The following PLXNA4 variants were observed in gnomAD, a reference collection of about 807,000 sequenced individuals.
PLXNA4 encodes plexin A4.
Under a neutral mutation model 191.8 loss-of-function variants are expected in PLXNA4, and 44 were observed. The ratio of observed to expected loss-of-function variants is 0.23; its 90% CI spans 0.18 to 0.29. The LOEUF is 0.29. Among genes scored for constraint, PLXNA4 ranks in the 10% least tolerant of loss-of-function variants. The probability of loss-of-function intolerance (pLI) is 1.00; values close to 1 mark genes in which losing one functional copy is unlikely to be tolerated. For synonymous variants in PLXNA4, 1,082 were observed against 1,009.5 expected, an observed-to-expected ratio of 1.07 and a Z score of -1.36; for missense variants, 1,800 against 2,488.8, an observed-to-expected ratio of 0.72 and a Z score of 5.89.
chr7:132,177,532 T>G (rs756327090), intron 20 of PLXNA4, among the ~76,000 whole-genome samples: 4 of 152,208 alleles, frequency 2.6e-5, no homozygotes, highest in Non-Finnish European at 4.4e-5. Flanking sequence ...CCCTAAAGTC[T>G]GAAGCCAAGG....
chr7:132,311,089 G>A (rs973239515), intron 3 of PLXNA4, among the ~76,000 whole-genome samples: 3 of 151,878 alleles, frequency 2.0e-5, no homozygotes, highest in Non-Finnish European at 4.4e-5. Flanking sequence ...GGGGATTCCA[G>A]ATTTGCTCAG....
intron 20 of PLXNA4, among the ~76,000 whole-genome samples, 176 bp downstream of exon 20, chr7:132,179,511 A>G (rs1796630734): frequency 6.7e-6 from 1 of 149,768 alleles, no homozygotes; most frequent in South Asian, 2.1e-4. Flanking sequence ...ACACACACAC[A>G]TGCACACACA....
At chr7:132,530,844 A>C (rs571115509) in intron 1 of PLXNA4, among the ~76,000 whole-genome samples, 2 of 152,280 alleles carry the variant, frequency 1.3e-5, no homozygotes, top group Non-Finnish European at 2.9e-5. Context: ...GTCCATCAAC[A>C]GATGAACCAA....
At chr7:132,523,921 G>T (rs76350572) in intron 1 of PLXNA4, among the ~76,000 whole-genome samples, 1 of 152,156 alleles carries the variant, frequency 6.6e-6, no homozygotes, top group South Asian at 2.1e-4. Flanking sequence ...GATGTCAAAG[G>T]TGAGGTTGTC....
chr7:132,518,465 C>G (rs998183914), intron 1 of PLXNA4, among the ~76,000 whole-genome samples: 5 of 152,148 alleles, frequency 3.3e-5, no homozygotes, highest in Non-Finnish European at 5.9e-5. Context: ...GGTGTGCTTC[C>G]CTCTGCCTCT....
intron 2 of PLXNA4, among the ~76,000 whole-genome samples, chr7:132,590,732 C>T (rs1056967071): frequency 3.3e-5 from 5 of 152,150 alleles, no homozygotes; most frequent in African/African-American, 9.7e-5. Flanking sequence ...GTCCAACTGA[C>T]TCAAATGTTA....
chr7:132,390,756 C>A (rs1805373731), intron 3 of PLXNA4, among the ~76,000 whole-genome samples: 2 of 152,096 alleles, frequency 1.3e-5, no homozygotes, highest in African/African-American at 4.8e-5. Context: ...ACACACCCAG[C>A]CCCACCCTGC....
chr7:132,628,195 T>C (rs1470213698), intron 2 of PLXNA4, among the ~76,000 whole-genome samples: 1 of 152,222 alleles, frequency 6.6e-6, no homozygotes, highest in African/African-American at 2.4e-5. Flanking sequence ...TGAGGTACTT[T>C]GGTTGGATAT....
chr7:132,168,292 C>T lies in PLXNA4; in HGVS notation c.4286+12G>A, dbSNP rs778267580. ...CTAGGCTGGAGCAGGGTGCCCCAGA[C>T]TGCACCCTCACCTCCTGAGCAGCAG... On this transcript the variant is annotated intron_variant, in intron 22 of 31. Transcript: ENST00000321063. 1 of 1,527,464 alleles carries T rather than the reference C, an allele frequency of 6.5e-7. No homozygotes were observed. Among genetic ancestry groups the T allele is most frequent in the Non-Finnish European group, 8.8e-7 (1 of 1,133,688 alleles). The allele number at this position is 1,527,464 out of a possible 1,614,324, so 94.6% of individuals were successfully genotyped here. A position where few individuals can be genotyped will look rare whatever the true frequency, so the allele number is the denominator to read the frequency against.
chr7:132,264,022 CAGAAG>C (rs963157026), intron 4 of PLXNA4: 41 of 152,210 alleles, frequency 2.7e-4, no homozygotes, highest in African/African-American at 9.4e-4. Flanking sequence ...ATTAAGGCAC[CAGAAG>C]AGAAATCATT....
chr7:132,589,098 AC>A (rs1802559826), intron 2 of PLXNA4, among the ~76,000 whole-genome samples: 1 of 152,232 alleles, frequency 6.6e-6, no homozygotes, highest in Admixed American at 6.5e-5. Context: ...ATTGAAAAAA[AC>A]ATTTATGGAA....
At chr7:132,627,400 CATT>C (rs1373987221) in intron 2 of PLXNA4, among the ~76,000 whole-genome samples, 1 of 152,098 alleles carries the variant, frequency 6.6e-6, no homozygotes, top group Non-Finnish European at 1.5e-5. Context: ...TTCTATATAA[CATT>C]ATTCACAGCT....
chr7:132,234,927 A>C lies in PLXNA4; in HGVS notation c.1604+6139T>G, dbSNP rs567213393. 2.0e-5 allele frequency among the ~76,000 whole-genome samples: 3 copies of C among 152,318 alleles called. No homozygotes were observed. The East Asian group carries it at 5.8e-4, about 29-fold the overall frequency. On this transcript the variant is annotated intron_variant, in intron 5 of 31. Transcript: ENST00000321063. Reference sequence around the variant, plus strand: ...AGGAGAGATCAGTGACCAGCAGATTAGTGTTAAGTAGCCCTTGAATATAGG... The same window carrying C: ...AGGAGAGATCAGTGACCAGCAGATTCGTGTTAAGTAGCCCTTGAATATAGG...
At chr7:132,433,862 T>C (rs2117208672) in intron 3 of PLXNA4, among the ~76,000 whole-genome samples, 1 of 152,250 alleles carries the variant, frequency 6.6e-6, no homozygotes, top group East Asian at 1.9e-4. Context: ...TTCCATTCAG[T>C]TGAGTAGGCA....
At chr7:132,459,356 C>T (rs1289049430) in intron 3 of PLXNA4, among the ~76,000 whole-genome samples, 2 of 152,176 alleles carry the variant, frequency 1.3e-5, no homozygotes, top group Non-Finnish European at 2.9e-5. Context: ...ATCTCCCACC[C>T]CTTTTCTTAT....
intron 5 of PLXNA4, among the ~76,000 whole-genome samples, chr7:132,238,135 G>A (rs1200051927): frequency 1.3e-5 from 2 of 152,174 alleles, no homozygotes; most frequent in Non-Finnish European, 2.9e-5. Flanking sequence ...TAGCTGTGTT[G>A]GATAAGCCTT....
At chr7:132,294,017 A>T (rs951365674) in intron 4 of PLXNA4, among the ~76,000 whole-genome samples, 13 of 152,238 alleles carry the variant, frequency 8.5e-5, no homozygotes, top group Non-Finnish European at 1.8e-4. Context: ...AGACTAAAAA[A>T]CAAAAAATCA....
intron 22 of PLXNA4, 124 bp downstream of exon 22, chr7:132,168,180 G>C: frequency 7.4e-7 from 1 of 1,348,866 alleles, no homozygotes; most frequent in Non-Finnish European, 9.6e-7. Flanking sequence ...CTCTGGGCTA[G>C]TTAGTGACTT....
intron 2 of PLXNA4, among the ~76,000 whole-genome samples, chr7:132,505,878 T>C (rs1465378709): frequency 6.6e-6 from 1 of 152,128 alleles, no homozygotes; most frequent in Non-Finnish European, 1.5e-5. Context: ...ATGGACTCTC[T>C]TAAGTGGCTC....
Sources: allele counts gnomAD v4.1 joint callset (sites outside exome capture counted in the v4.1 genomes callset), GRCh38; gene constraint gnomAD v4.1.1; transcripts MANE v1.5; gene names NCBI Gene and HGNC (gene_info 2026-07-23, HGNC 2026-07-21).